PRDM1: variants seen among roughly 807,000 people sequenced by gnomAD.
PRDM1 encodes the protein PR/SET domain 1.
In PRDM1, 13 loss-of-function variants were observed where a neutral mutation model predicts 62.8. That is an observed-to-expected ratio of 0.21 (90% CI 0.13 to 0.33). PRDM1 has a LOEUF of 0.33. PRDM1 is among the 10% of genes least tolerant of loss of function. PRDM1 has a pLI of 1.00. For missense variants in PRDM1, 895 were observed against 1,058.8 expected (o/e 0.85, Z 2.15); for synonymous variants, 396 against 417.6 (o/e 0.95, Z 0.63).
intron 1 of PRDM1, among the ~76,000 whole-genome samples, chr6:106,050,937 T>C (rs796385561): frequency 1.1e-4 from 16 of 152,332 alleles, no homozygotes; most frequent in African/African-American, 3.6e-4. Flanking sequence ...TAGTGATAAA[T>C]TGTGCTTAGA....
At chr6:106,047,759 T>G (rs903297472), upstream of PRDM1, among the ~76,000 whole-genome samples, 9 of 152,206 alleles carry the variant, frequency 5.9e-5, no homozygotes, top group African/African-American at 2.2e-4. Flanking sequence ...AACTAGGAGT[T>G]GAGAACCTTT....
intron 2 of PRDM1, among the ~76,000 whole-genome samples, chr6:106,091,599 G>C (rs987091573): frequency 6.6e-6 from 1 of 151,926 alleles, no homozygotes; most frequent in Non-Finnish European, 1.5e-5. Context: ...AGCCAACATG[G>C]TGAAACCCCA....
chr6:106,008,946 A>G (rs1166770606), intron 1 of PRDM1, among the ~76,000 whole-genome samples: 1 of 152,150 alleles, frequency 6.6e-6, no homozygotes, highest in Non-Finnish European at 1.5e-5. Context: ...ATCACAGACT[A>G]TAGTCTTCCC....
chr6:106,071,956 G>A (rs1389906804), intron 1 of PRDM1: 1 of 152,168 alleles, frequency 6.6e-6, no homozygotes, highest in Non-Finnish European at 1.5e-5. Context: ...GCATTCTCAA[G>A]GTTCATTAAT....
At chr6:106,035,562 G>A (rs1772912991) in intron 1 of PRDM1, among the ~76,000 whole-genome samples, 2 of 152,126 alleles carry the variant, frequency 1.3e-5, no homozygotes, top group Admixed American at 6.5e-5. Flanking sequence ...CTGGGACGTC[G>A]AGGCTGCAGT....
chr6:106,059,484 G>A (rs1287148886), intron 1 of PRDM1, among the ~76,000 whole-genome samples: 8 of 152,124 alleles, frequency 5.3e-5, no homozygotes, highest in African/African-American at 1.9e-4. Flanking sequence ...AAGGAGATGA[G>A]ACCCAAGAGA....
At chr6:106,047,643 A>G (rs1381539304), upstream of PRDM1, among the ~76,000 whole-genome samples, 1 of 152,236 alleles carries the variant, frequency 6.6e-6, no homozygotes, top group Non-Finnish European at 1.5e-5. Context: ...ACATTTTGCT[A>G]CCATTTCTTA....
chr6:106,089,038 C>T (rs901063150), intron 2 of PRDM1, among the ~76,000 whole-genome samples: 1 of 152,178 alleles, frequency 6.6e-6, no homozygotes, highest in African/African-American at 2.4e-5. Context: ...TGCAGCAGCT[C>T]CTTTGCTGGG....
chr6:106,080,495 T>A (rs1294653156), intron 1 of PRDM1, among the ~76,000 whole-genome samples: 2 of 152,066 alleles, frequency 1.3e-5, no homozygotes, highest in African/African-American at 4.8e-5. Flanking sequence ...AAGGTCCAGA[T>A]GGGAAGAAAA....
At chr6:106,051,877 A>G (rs1773180082) in intron 1 of PRDM1, among the ~76,000 whole-genome samples, 1 of 152,172 alleles carries the variant, frequency 6.6e-6, no homozygotes, top group African/African-American at 2.4e-5. Flanking sequence ...TAAATTGGAG[A>G]ATCAGAATTT....
At chr6:106,038,584 G>C (rs1334118842) in intron 1 of PRDM1, among the ~76,000 whole-genome samples, 3 of 152,160 alleles carry the variant, frequency 2.0e-5, no homozygotes, top group African/African-American at 7.2e-5. Flanking sequence ...TGTAATAAAG[G>C]GATGGTATGT....
intron 1 of PRDM1, among the ~76,000 whole-genome samples, chr6:105,998,909 ATATATATATATATATATATATATATTT>A (rs200038230): frequency 0.43 from 25,356 of 59,234 alleles, 2,055 homozygotes; most frequent in Admixed American, 0.48. Flanking sequence ...ATATATATAT[ATATATATATATATATATATATATATTT>A]TTTTTTTTTT....
chr6:106,103,048 C>T (rs1333330804), intron 4 of PRDM1, among the ~76,000 whole-genome samples: 2 of 152,070 alleles, frequency 1.3e-5, no homozygotes, highest in South Asian at 2.1e-4. Context: ...ACTGAAAGAC[C>T]GATATTGGCC....
At chr6:106,039,246 G>A (rs1337428196) in intron 1 of PRDM1, among the ~76,000 whole-genome samples, 9 of 152,136 alleles carry the variant, frequency 5.9e-5, no homozygotes, top group Non-Finnish European at 1.3e-4. Context: ...GTGGGGAGAG[G>A]CTCAGAGCTT....
chr6:106,039,546 A>G (rs1247506670), intron 1 of PRDM1, among the ~76,000 whole-genome samples: 1 of 152,228 alleles, frequency 6.6e-6, no homozygotes, highest in East Asian at 1.9e-4. Flanking sequence ...AAAAAAGTCT[A>G]TATTCCTAAA....
At chr6:106,091,096 C>A (rs1254066481) in intron 2 of PRDM1, among the ~76,000 whole-genome samples, 2 of 151,994 alleles carry the variant, frequency 1.3e-5, no homozygotes, top group African/African-American at 4.8e-5. Context: ...TCCCCTTGTC[C>A]TCCTGAAATA....
At chr6:106,020,685 G>A (rs187576584) in intron 1 of PRDM1, among the ~76,000 whole-genome samples, 134 of 152,208 alleles carry the variant, frequency 8.8e-4, no homozygotes, top group Admixed American at 1.7e-3. Context: ...ATACTTCATG[G>A]TGAATTTGAT....
At position 106,105,709 on chromosome 6, in the gene PRDM1, C is replaced by CCCACGGCGGGAACAGCCG; in HGVS notation, c.1557_1574dup (p.Gly520_Ala525dup). ...GGCCTGTAGCCCCACAAGCGGGTCTCCCACGGCGGGAACAGCCGCCACGGC... is the reference window on the plus strand; with the variant it reads ...GGCCTGTAGCCCCACAAGCGGGTCTCCCACGGCGGGAACAGCCGCCACGGCGGGAACAGCCGCCACGGC... On this transcript the variant is annotated inframe_insertion, in exon 5 of 7. Coordinates refer to ENST00000369096, the MANE Select transcript of PRDM1 (RefSeq NM_001198.4). 1.2e-6 allele frequency: 2 copies of CCCACGGCGGGAACAGCCG among 1,613,972 alleles called. No individual in the cohort carries two copies. Among genetic ancestry groups the CCCACGGCGGGAACAGCCG allele is most frequent in the Non-Finnish European group, 8.5e-7 (1 of 1,179,946 alleles).
intron 1 of PRDM1, among the ~76,000 whole-genome samples, chr6:106,052,400 G>A (rs898614543): frequency 2.0e-5 from 3 of 151,958 alleles, no homozygotes; most frequent in East Asian, 1.9e-4. Flanking sequence ...AGGTATGGTC[G>A]TCTTGAATTT....
Sources: gnomAD v4.1 joint callset for allele counts (sites outside exome capture counted in the v4.1 genomes callset) on GRCh38, gnomAD v4.1.1 for gene constraint, MANE v1.5 for transcripts, NCBI Gene and HGNC (gene_info 2026-07-23, HGNC 2026-07-21) for gene names.